Variants in PACS1 observed in about 807,000 individuals in gnomAD.
The protein encoded by PACS1 is phosphofurin acidic cluster sorting protein 1.
A neutral mutation model predicts 115.0 loss-of-function variants in PACS1; 24 were observed. That is an observed-to-expected ratio of 0.21 (90% confidence interval 0.15 to 0.29). PACS1 has a LOEUF of 0.29. PACS1 is among the 10% of genes least tolerant of loss of function. PACS1 has a pLI of 1.00. For missense variants in PACS1, 838 were observed against 1,251.2 expected (o/e 0.67, Z 4.98); for synonymous variants, 453 against 504.5 (o/e 0.90, Z 1.37).
At chr11:66,132,754 C>T (rs113122488) in intron 1 of PACS1, among the ~76,000 whole-genome samples, 4,001 of 152,186 alleles carry the variant, frequency 0.026, 167 homozygotes, top group African/African-American at 0.09. Context: ...CTGCAACCTC[C>T]GCCTCCCAGG....
In PACS1 at chr11:66,233,025, C is replaced by T; in HGVS notation, c.1797C>T (p.Val599=). ...TGTGCACCTGCTCCACCGTGGAGGT[C>T]CAGGCCGTGCTGTCCGCCCTGCTCA... ...PVVCTCSTVE[V]QAVLSALLTR... is the part of the protein sequence containing the mutation. The change falls in exon 15 of 24, where the codon GTC becomes GTT. Residue 599 remains valine, a synonymous_variant. Coordinates refer to ENST00000320580, the MANE Select transcript of PACS1 (RefSeq NM_018026.4). The surrounding 1 kb of genome is among the most constrained non-coding windows in gnomAD (Gnocchi z 4.5). The T allele has an allele frequency of 1.2e-6, 2 of 1,611,854 alleles. No homozygotes were observed. The highest frequency in any genetic ancestry group is 1.7e-6 in the Non-Finnish European group (2 of 1,179,918).
At chr11:66,091,433 G>T (rs1194887112) in intron 1 of PACS1, among the ~76,000 whole-genome samples, 1 of 151,778 alleles carries the variant, frequency 6.6e-6, no homozygotes, top group African/African-American at 2.4e-5. Context: ...GAGCCACCAC[G>T]CCCAGCCTGG....
At chr11:66,142,437 C>T (rs972681521) in intron 1 of PACS1, among the ~76,000 whole-genome samples, 9 of 151,884 alleles carry the variant, frequency 5.9e-5, no homozygotes, top group Admixed American at 1.3e-4. Context: ...TTCTGAGTAG[C>T]TGGGACCATG....
intron 1 of PACS1, among the ~76,000 whole-genome samples, chr11:66,128,893 A>C (rs1286564689): frequency 9.2e-5 from 14 of 151,522 alleles, no homozygotes; most frequent in Non-Finnish European, 1.3e-4. Context: ...CAAAAAAAAA[A>C]AAAAATGTGA....
intron 1 of PACS1, among the ~76,000 whole-genome samples, chr11:66,150,612 A>G (rs759452110): frequency 3.9e-5 from 6 of 152,250 alleles, no homozygotes; most frequent in Non-Finnish European, 7.3e-5. Flanking sequence ...ATTACTTGAA[A>G]ACGTGTTACT....
intron 1 of PACS1, among the ~76,000 whole-genome samples, chr11:66,137,262 TTGTG>T (rs369885391): frequency 2.7e-5 from 4 of 150,472 alleles, no homozygotes; most frequent in Non-Finnish European, 5.9e-5. Context: ...GTGTTTGTGT[TTGTG>T]TGTGTGTGTG....
chr11:66,206,518 G>A (rs903878575), intron 2 of PACS1, among the ~76,000 whole-genome samples: 4 of 152,198 alleles, frequency 2.6e-5, no homozygotes, highest in South Asian at 2.1e-4. Flanking sequence ...ACCTGCACAC[G>A]CAGATTACTT....
intron 1 of PACS1, among the ~76,000 whole-genome samples, chr11:66,071,190 T>G (rs570356803): frequency 6.6e-6 from 1 of 152,326 alleles, no homozygotes; most frequent in Non-Finnish European, 1.5e-5. Flanking sequence ...GAGCTGTACA[T>G]ACATGGATGT....
rs533001650 is a variant in PACS1 at position 66,242,847 on chromosome 11, T to G, written c.2657-65T>G. On this transcript the variant is annotated intron_variant, in intron 22 of 23. Transcript: ENST00000320580. ...CCACAGGAAGAAGGGGACAGTCGGC[T>G]GGGGAGGAGAGGGGTGGCGGCTTCC... 1,566 of 1,605,386 alleles carry G rather than the reference T, an allele frequency of 9.8e-4. 2 individuals carry two copies. The highest frequency in any genetic ancestry group is 1.2e-3 in the Non-Finnish European group (1,459 of 1,174,898).
Position 66,134,254 on chromosome 11 carries a change from C to CTTTTTTTTTTTTTTTTTTTTTTTTTT in PACS1, c.357-59207_357-59206insTTTTTTTTTTTTTTTTTTTTTTTTTT, listed in dbSNP as rs1162472902. Among the ~76,000 whole-genome samples the CTTTTTTTTTTTTTTTTTTTTTTTTTT allele has an allele frequency of 3.1e-4, 23 of 75,066 alleles. 3 individuals are homozygous for CTTTTTTTTTTTTTTTTTTTTTTTTTT. The highest frequency in any genetic ancestry group is 1.3e-3 in the East Asian group (3 of 2,278). The allele number at this position is 75,066 out of a possible 152,430, so 49.2% of individuals were successfully genotyped here. A position where few individuals can be genotyped will look rare whatever the true frequency, so the allele number is the denominator to read the frequency against. ...TAAATTTCTTTTTCTTTTTCTTTTT[C>CTTTTTTTTTTTTTTTTTTTTTTTTTT]TTTTTTTTTTTTTTTTTTTTTTTTT... On this transcript the variant is annotated intron_variant, in intron 1 of 23. Coordinates refer to ENST00000320580, the MANE Select transcript of PACS1 (RefSeq NM_018026.4).
At chr11:66,079,007 A>T (rs1417739138) in intron 1 of PACS1, among the ~76,000 whole-genome samples, 2 of 152,156 alleles carry the variant, frequency 1.3e-5, no homozygotes, top group Admixed American at 6.5e-5. Flanking sequence ...TCCCGGGTTC[A>T]AGTGATTCTC....
chr11:66,154,938 A>G (rs1859318526), intron 1 of PACS1, among the ~76,000 whole-genome samples: 2 of 152,226 alleles, frequency 1.3e-5, no homozygotes, highest in South Asian at 4.1e-4. Flanking sequence ...GCAAAATAAT[A>G]GACATGTACA....
chr11:66,101,708 A>AT (rs1857923808), intron 1 of PACS1, among the ~76,000 whole-genome samples: 1 of 152,006 alleles, frequency 6.6e-6, no homozygotes, highest in Non-Finnish European at 1.5e-5. Flanking sequence ...GGAAATGAGT[A>AT]TTTTTTTATA....
intron 1 of PACS1, among the ~76,000 whole-genome samples, chr11:66,155,250 CACATACCATAAA>C (rs1420124686): frequency 1.1e-4 from 16 of 152,072 alleles, no homozygotes; most frequent in South Asian, 6.2e-4. Flanking sequence ...ATACAAAAAG[CACATACCATAAA>C]ATAAATGAAT....
intron 1 of PACS1, among the ~76,000 whole-genome samples, chr11:66,191,195 A>G (rs1426514103): frequency 6.6e-6 from 1 of 152,076 alleles, no homozygotes; most frequent in South Asian, 2.1e-4. Context: ...CCCTCCCTCC[A>G]TCTTCAAGGC....
In PACS1 at chr11:66,118,920, G is replaced by A. The variant is rs75699442; in HGVS notation, c.356+48078G>A. On this transcript the variant is annotated intron_variant, in intron 1 of 23. Coordinates refer to ENST00000320580, the MANE Select transcript of PACS1 (RefSeq NM_018026.4). Reference sequence around the variant, plus strand: ...AAACTAAAAAACATTGCTTGCCCTTGTGACTGGGGAGATATAGACAATTGA... The same window carrying A: ...AAACTAAAAAACATTGCTTGCCCTTATGACTGGGGAGATATAGACAATTGA... Among the ~76,000 whole-genome samples the A allele has an allele frequency of 8.3e-3, 1,269 of 152,196 alleles. 87 individuals are homozygous for A. In the East Asian group the frequency reaches 0.17, roughly 21 times the overall value.
Position 66,070,861 on chromosome 11 carries a change from G to A in PACS1, c.356+19G>A. ...TGCCTAGGTGAGCGCGGGAGGGTGCGGCGGGGCGCCGGGGGAGCGGGGTGG... is the reference window on the plus strand; with the variant it reads ...TGCCTAGGTGAGCGCGGGAGGGTGCAGCGGGGCGCCGGGGGAGCGGGGTGG... On this transcript the variant is annotated intron_variant, in intron 1 of 23. Coordinates refer to ENST00000320580, the MANE Select transcript of PACS1 (RefSeq NM_018026.4). The surrounding 1 kb of genome is among the most constrained non-coding windows in gnomAD (Gnocchi z 5.9). 1 of 1,438,358 alleles carries A rather than the reference G, an allele frequency of 7.0e-7. No individual in the cohort carries two copies. Among genetic ancestry groups the A allele is most frequent in the Non-Finnish European group, 9.0e-7 (1 of 1,105,090 alleles). The allele number at this position is 1,438,358 out of a possible 1,614,324, so 89.1% of individuals were successfully genotyped here.
At chr11:66,177,443 G>A (rs1859893422) in intron 1 of PACS1, among the ~76,000 whole-genome samples, 1 of 151,972 alleles carries the variant, frequency 6.6e-6, no homozygotes, top group African/African-American at 2.4e-5. Context: ...TACCCGTCTT[G>A]GCCTCCCATA....
chr11:66,206,394 A>G (rs1264352135), intron 2 of PACS1, among the ~76,000 whole-genome samples: 3 of 152,214 alleles, frequency 2.0e-5, no homozygotes, highest in Non-Finnish European at 4.4e-5. Context: ...CATGAAAGCT[A>G]AACCCCTGGG....
Sources: allele counts gnomAD v4.1 joint callset (sites outside exome capture counted in the v4.1 genomes callset), GRCh38; gene constraint gnomAD v4.1.1; non-coding constraint Gnocchi (gnomAD v3.1); transcripts MANE v1.5; gene names NCBI Gene and HGNC (gene_info 2026-07-23, HGNC 2026-07-21).